MDGA2: variants seen among roughly 807,000 people sequenced by gnomAD.
The protein encoded by MDGA2 is MAM domain-containing glycosylphosphatidylinositol anchor protein 2.
MDGA2 carries 40 observed loss-of-function variants against 117.8 expected under a neutral mutation model. The ratio of observed to expected loss-of-function variants is 0.34; its 90% CI spans 0.26 to 0.44. The LOEUF (loss-of-function observed/expected upper bound fraction) is 0.44. MDGA2 is among the 20% of genes least tolerant of loss of function. The probability of loss-of-function intolerance (pLI) is 1.00; values close to 1 mark genes in which losing one functional copy is unlikely to be tolerated. For missense variants in MDGA2, 1,123 were observed against 1,250.6 expected, an observed-to-expected ratio of 0.90 and a Z score of 1.54; for synonymous variants, 452 against 439.0, an observed-to-expected ratio of 1.03 and a Z score of -0.37.
At chr14:47,218,952 A>C (rs1379876598) in intron 2 of MDGA2, among the ~76,000 whole-genome samples, 1 of 152,118 alleles carries the variant, frequency 6.6e-6, no homozygotes, top group Non-Finnish European at 1.5e-5. Flanking sequence ...TTTTGCTGGC[A>C]ATAATGACTG....
chr14:47,458,744 A>T (rs1482312569), intron 1 of MDGA2, among the ~76,000 whole-genome samples: 2 of 152,090 alleles, frequency 1.3e-5, no homozygotes, highest in Non-Finnish European at 2.9e-5. Context: ...ACATTAACAC[A>T]TATCAAATCA....
At chr14:47,302,338 T>C (rs186867699) in intron 1 of MDGA2, among the ~76,000 whole-genome samples, 28 of 152,334 alleles carry the variant, frequency 1.8e-4, no homozygotes, top group African/African-American at 4.6e-4. Context: ...TAATAAGATA[T>C]GCTGCTTGCC....
At chr14:46,912,139 T>G (rs1374850039) in intron 10 of MDGA2, among the ~76,000 whole-genome samples, 3 of 152,208 alleles carry the variant, frequency 2.0e-5, no homozygotes, top group African/African-American at 7.2e-5. Context: ...AATTTTTTTC[T>G]CATCAACGTT....
intron 1 of MDGA2, among the ~76,000 whole-genome samples, chr14:47,343,580 T>C (rs1890696312): frequency 6.6e-6 from 1 of 152,098 alleles, no homozygotes; most frequent in African/African-American, 2.4e-5. Context: ...AGTAAAAATA[T>C]TTTCTCTAAC....
At chr14:47,246,802 A>AAC (rs34773547) in intron 2 of MDGA2, among the ~76,000 whole-genome samples, 11,569 of 141,746 alleles carry the variant, frequency 0.082, 664 homozygotes, top group Non-Finnish European at 0.091. Flanking sequence ...CAGGTAATGA[A>AAC]ACACACACAC....
chr14:47,645,518 G>A (rs954524448), intron 1 of MDGA2, among the ~76,000 whole-genome samples: 1 of 151,840 alleles, frequency 6.6e-6, no homozygotes, highest in African/African-American at 2.4e-5. Context: ...ACAGGCGTGA[G>A]CCACCGCGCC....
At chr14:47,468,888 C>G (rs1376497750) in intron 1 of MDGA2, among the ~76,000 whole-genome samples, 1 of 151,870 alleles carries the variant, frequency 6.6e-6, no homozygotes, top group Non-Finnish European at 1.5e-5. Flanking sequence ...TTTAAATTGC[C>G]TTTAAAATGT....
intron 2 of MDGA2, among the ~76,000 whole-genome samples, chr14:47,235,523 T>G (rs1886829266): frequency 6.6e-6 from 1 of 152,150 alleles, no homozygotes; most frequent in South Asian, 2.1e-4. Flanking sequence ...GTTATCTTAG[T>G]CTGAATCCTT....
At chr14:47,398,880 T>C (rs1566768909) in intron 1 of MDGA2, among the ~76,000 whole-genome samples, 1 of 152,186 alleles carries the variant, frequency 6.6e-6, no homozygotes, top group Non-Finnish European at 1.5e-5. Flanking sequence ...ATTGTATTTG[T>C]TGCTTCTTCA....
intron 8 of MDGA2, among the ~76,000 whole-genome samples, chr14:47,000,383 A>G (rs867037136): frequency 4.9e-5 from 3 of 61,100 alleles, no homozygotes; most frequent in Non-Finnish European, 9.7e-5. Flanking sequence ...ATATTTATAT[A>G]TATATATTTA....
intron 2 of MDGA2, 129 bp from the exon 3 acceptor site, chr14:47,218,324 A>G (rs552154261): frequency 1.3e-6 from 1 of 789,844 alleles, no homozygotes; most frequent in Non-Finnish European, 1.9e-6. Flanking sequence ...ATTATTGAAG[A>G]AAAAATTAAT....
intron 1 of MDGA2, among the ~76,000 whole-genome samples, chr14:47,645,970 C>T (rs1034833280): frequency 6.6e-6 from 1 of 150,726 alleles, no homozygotes; most frequent in African/African-American, 2.4e-5. Flanking sequence ...GTCCCATCTA[C>T]TTGGGAGGCT....
intron 3 of MDGA2, among the ~76,000 whole-genome samples, chr14:47,209,126 T>C (rs919261907): frequency 3.3e-5 from 5 of 152,196 alleles, no homozygotes; most frequent in Non-Finnish European, 4.4e-5. Context: ...CTTAGTACTT[T>C]TGATATGTAA....
chr14:47,196,001 T>C (rs1389799288), intron 3 of MDGA2, among the ~76,000 whole-genome samples: 7 of 152,004 alleles, frequency 4.6e-5, no homozygotes, highest in African/African-American at 1.7e-4. Flanking sequence ...TAGTCATATA[T>C]ACATATATAT....
chr14:47,149,745 G>A (rs1883091395), intron 3 of MDGA2, among the ~76,000 whole-genome samples: 1 of 152,122 alleles, frequency 6.6e-6, no homozygotes, highest in Non-Finnish European at 1.5e-5. Context: ...ACTATTTCCT[G>A]CTGTCCTTGT....
chr14:46,992,405 T>C lies in MDGA2; in HGVS notation c.1820-34762A>G, dbSNP rs956865559. 5.3e-5 allele frequency among the ~76,000 whole-genome samples: 8 copies of C among 152,234 alleles called. No homozygotes were observed. In the East Asian group the frequency reaches 1.5e-3, roughly 29 times the overall value. On this transcript the variant is annotated intron_variant, in intron 8 of 16. Coordinates refer to ENST00000399232, the MANE Select transcript of MDGA2 (RefSeq NM_001113498.3). ...CACCATTCAAGTGATTAGTTAAGTTTTGAACAATTTTTTTTTAAATCTCAG... is the reference window on the plus strand; with the variant it reads ...CACCATTCAAGTGATTAGTTAAGTTCTGAACAATTTTTTTTTAAATCTCAG...
rs971966908 is a variant in MDGA2 at position 47,600,846 on chromosome 14, G to C, written c.280+73671C>G. 5.3e-5 allele frequency among the ~76,000 whole-genome samples: 8 copies of C among 151,992 alleles called. No homozygotes were observed. The South Asian group carries it at 1.7e-3, about 32-fold the overall frequency. ...AAGTCATCTCCAAGTAATGAAAAAA[G>C]TAATGTTAGCCAGTAGGTTTCCCAT... On this transcript the variant is annotated intron_variant, in intron 1 of 16. Coordinates refer to ENST00000399232, the MANE Select transcript of MDGA2 (RefSeq NM_001113498.3).
chr14:47,602,843 G>A (rs1052708750), intron 1 of MDGA2, among the ~76,000 whole-genome samples: 37 of 152,242 alleles, frequency 2.4e-4, no homozygotes, highest in Non-Finnish European at 2.9e-4. Context: ...TCCACAGTGC[G>A]GAACGTTAGG....
chr14:47,140,528 CACTT>C (rs771249073), intron 4 of MDGA2, among the ~76,000 whole-genome samples: 15 of 152,064 alleles, frequency 9.9e-5, no homozygotes, highest in South Asian at 2.1e-4. Context: ...CAAATCAACA[CACTT>C]ACAGCCAATG....
Sources: gnomAD v4.1 joint callset for allele counts (sites outside exome capture counted in the v4.1 genomes callset) on GRCh38, gnomAD v4.1.1 for gene constraint, MANE v1.5 for transcripts, NCBI Gene and HGNC (gene_info 2026-07-23, HGNC 2026-07-21) for gene names.